Variants in PHF24 observed in about 807,000 individuals in gnomAD.
The protein encoded by PHF24 is Galpha inhibitory interacting protein.
A neutral mutation model predicts 42.6 loss-of-function variants in PHF24; 25 were observed. The ratio of observed to expected loss-of-function variants is 0.59; its 90% CI spans 0.43 to 0.82. PHF24 has a LOEUF of 0.82. Ranked by LOEUF, PHF24 falls within the 40% of genes least tolerant of loss-of-function variation. The pLI is 0.00. For synonymous variants in PHF24, 185 were observed against 204.8 expected, an observed-to-expected ratio of 0.90 and a Z score of 0.83; for missense variants, 470 against 538.1, an observed-to-expected ratio of 0.87 and a Z score of 1.25.
the PHF24 span, among the ~76,000 whole-genome samples, chr9:34,714,926 G>A: frequency 6.6e-6 from 1 of 152,050 alleles, no homozygotes; most frequent in Admixed American, 6.5e-5. Context: ...CAACCCCCTA[G>A]GTCCCATCTC....
At chr9:34,927,813 G>C in the PHF24 span, among the ~76,000 whole-genome samples, 1 of 152,102 alleles carries the variant, frequency 6.6e-6, no homozygotes, top group African/African-American at 2.4e-5. Context: ...TTTATTCATT[G>C]TGTTGGGCCT....
At chr9:34,918,185 T>C in the PHF24 span, 3 of 1,467,556 alleles carry the variant, frequency 2.0e-6, no homozygotes, top group Admixed American at 5.0e-5. Context: ...AGGGTTACTT[T>C]GAAGACCATC....
At chr9:34,861,556 C>T in the PHF24 span, among the ~76,000 whole-genome samples, 2 of 152,186 alleles carry the variant, frequency 1.3e-5, no homozygotes, top group Admixed American at 1.3e-4. Context: ...AAGGATACAG[C>T]AGCCATCGTA....
chr9:34,754,822 C>T, the PHF24 span, among the ~76,000 whole-genome samples: 1 of 152,110 alleles, frequency 6.6e-6, no homozygotes, highest in African/African-American at 2.4e-5. Flanking sequence ...CAGCAGATGA[C>T]TTGATAAAGC....
the PHF24 span, among the ~76,000 whole-genome samples, chr9:34,926,918 C>T: frequency 2.7e-4 from 41 of 152,144 alleles, no homozygotes; most frequent in Non-Finnish European, 5.1e-4. The surrounding 1 kb of genome is among the most constrained non-coding windows in gnomAD (Gnocchi z 4.3). Context: ...TCGTGCCTAC[C>T]GGGGGCAGCC....
At chr9:34,976,182 G>C (rs200686693) in exon 4 of PHF24, 1 of 1,614,170 alleles carries the variant, frequency 6.2e-7, no homozygotes, top group Non-Finnish European at 8.5e-7. Context: ...TACTGAGGAG[G>C]AAATGTATAG....
upstream of PHF24, among the ~76,000 whole-genome samples, chr9:34,957,256 A>G (rs964812917): frequency 6.6e-6 from 1 of 152,208 alleles, no homozygotes; most frequent in Non-Finnish European, 1.5e-5. Flanking sequence ...CAAATACTAG[A>G]CGCTCAAAAA....
the PHF24 span, among the ~76,000 whole-genome samples, chr9:34,886,746 ATCTATCTATCTG>A: frequency 0.023 from 2,756 of 119,988 alleles, 85 homozygotes; most frequent in African/African-American, 0.07. Flanking sequence ...ATATCTATCT[ATCTATCTATCTG>A]TCTGTCTGTC....
At chr9:34,740,838 C>G in the PHF24 span, among the ~76,000 whole-genome samples, 1 of 151,930 alleles carries the variant, frequency 6.6e-6, no homozygotes, top group African/African-American at 2.4e-5. Context: ...TACATATGGT[C>G]TCGTATGTAA....
chr9:34,883,170 G>A, the PHF24 span, among the ~76,000 whole-genome samples: 1 of 152,246 alleles, frequency 6.6e-6, no homozygotes, highest in South Asian at 2.1e-4. Flanking sequence ...TATGTAGAAA[G>A]CTGAAACTGG....
the PHF24 span, among the ~76,000 whole-genome samples, chr9:34,851,466 T>G: frequency 6.6e-6 from 1 of 152,296 alleles, no homozygotes; most frequent in South Asian, 2.1e-4. Context: ...AGTGCAGTAT[T>G]GGGGTGGGAG....
At chr9:34,811,832 A>G in the PHF24 span, among the ~76,000 whole-genome samples, 1 of 152,232 alleles carries the variant, frequency 6.6e-6, no homozygotes, top group Non-Finnish European at 1.5e-5. Context: ...GCATAAAAGA[A>G]TACCATAAAG....
At chr9:34,786,311 C>T in the PHF24 span, among the ~76,000 whole-genome samples, 1 of 152,154 alleles carries the variant, frequency 6.6e-6, no homozygotes, top group African/African-American at 2.4e-5. Context: ...GAAGAATTCT[C>T]TACTATAAAT....
At chr9:34,946,560 T>G in the PHF24 span, among the ~76,000 whole-genome samples, 1 of 152,236 alleles carries the variant, frequency 6.6e-6, no homozygotes, top group African/African-American at 2.4e-5. Context: ...GATCGAGATT[T>G]CTAGTTCTAC....
the PHF24 span, among the ~76,000 whole-genome samples, chr9:34,684,922 A>T: frequency 6.6e-6 from 1 of 152,136 alleles, no homozygotes; most frequent in African/African-American, 2.4e-5. Context: ...GAAGACCCAA[A>T]GGCCCTAGAA....
the PHF24 span, among the ~76,000 whole-genome samples, chr9:34,730,522 C>A: frequency 6.6e-6 from 1 of 152,164 alleles, no homozygotes. Flanking sequence ...GTGCTCAGCC[C>A]TAAGCTGGGG....
At chr9:34,892,187 AAG>A in the PHF24 span, among the ~76,000 whole-genome samples, 1 of 152,150 alleles carries the variant, frequency 6.6e-6, no homozygotes, top group South Asian at 2.1e-4. Context: ...TAGAAGCTGA[AAG>A]AGAGGAGAGG....
chr9:34,818,887 T>A, the PHF24 span, among the ~76,000 whole-genome samples: 1 of 152,194 alleles, frequency 6.6e-6, no homozygotes, highest in Admixed American at 6.5e-5. Flanking sequence ...TAGGTAGTAG[T>A]CTTCCTTCAG....
the PHF24 span, among the ~76,000 whole-genome samples, chr9:34,749,620 T>A: frequency 9.6e-5 from 14 of 146,516 alleles, no homozygotes; most frequent in East Asian, 2.6e-3. Flanking sequence ...TTTTTTTTAA[T>A]TTTACTTTAA....
Sources: allele counts gnomAD v4.1 joint callset (sites outside exome capture counted in the v4.1 genomes callset), GRCh38; gene constraint gnomAD v4.1.1; non-coding constraint Gnocchi (gnomAD v3.1); transcripts MANE v1.5; gene names NCBI Gene and HGNC (gene_info 2026-07-23, HGNC 2026-07-21).